OVCH1: variants seen among roughly 807,000 people sequenced by gnomAD.
OVCH1 encodes the protein ovochymase-1.
OVCH1 carries 139 observed loss-of-function variants against 138.4 expected under a neutral mutation model. That is an observed-to-expected ratio of 1.00 (90% CI 0.87 to 1.16). The LOEUF (loss-of-function observed/expected upper bound fraction) is 1.16, where lower values mean the gene tolerates loss of function less well. Ranked by LOEUF, OVCH1 falls within the 50% of genes most tolerant of loss-of-function variation. OVCH1 has a pLI of 0.00. For synonymous variants in OVCH1, 453 were observed against 467.8 expected (o/e 0.97, Z 0.41); for missense variants, 1,367 against 1,357.9 (o/e 1.01, Z -0.11).
Position 29,471,987 on chromosome 12 carries a change from A to G in OVCH1, c.1676-5T>C, listed in dbSNP as rs751804464. 6.2e-7 allele frequency: 1 copy of G among 1,603,836 alleles called. No individual in the cohort carries two copies. The highest frequency in any genetic ancestry group is 1.7e-5 in the Admixed American group (1 of 58,326). ...ATGGAGGGATGCCACAGACATCTAC[A>G]GTAAAGATGAAACCAATGACCCATA... On this transcript the variant is annotated splice_polypyrimidine_tract_variant and splice_region_variant and intron_variant, in intron 15 of 27. Transcript: ENST00000318184.
the OVCH1 span, among the ~76,000 whole-genome samples, chr12:29,405,021 CAAAAAAAAAAAAAA>C: frequency 2.5e-5 from 2 of 80,440 alleles, no homozygotes; most frequent in East Asian, 4.5e-4. Flanking sequence ...CACTCCACCT[CAAAAAAAAAAAAAA>C]AAAAAAAAAA....
At chr12:29,474,209 T>C (rs781773473) in intron 14 of OVCH1, among the ~76,000 whole-genome samples, 1 of 152,168 alleles carries the variant, frequency 6.6e-6, no homozygotes. Context: ...ACAATACGTA[T>C]AGAATAAATT....
chr12:29,436,465 A>ATATT, intron 26 of OVCH1, among the ~76,000 whole-genome samples: 1 of 152,334 alleles, frequency 6.6e-6, no homozygotes, highest in South Asian at 2.1e-4. Context: ...GCCAAATATT[A>ATATT]TATTTTTTAT....
In OVCH1 at chr12:29,444,093, A is replaced by G. The variant is rs1941554030; in HGVS notation, c.3017+52T>C. 4.6e-6 allele frequency: 7 copies of G among 1,534,886 alleles called. No homozygotes were observed. In the East Asian group the frequency reaches 1.6e-4, roughly 36 times the overall value. On this transcript the variant is annotated intron_variant, in intron 24 of 27. Transcript: ENST00000318184. ...CAAGTACCAAGTGTTGATGTCAGTC[A>G]AGCAATTTTTTCCACACACTTCTTC... is the stretch of plus-strand genomic sequence containing the variant.
intron 6 of OVCH1, among the ~76,000 whole-genome samples, chr12:29,489,233 A>G (rs1300929030): frequency 6.6e-6 from 1 of 152,204 alleles, no homozygotes; most frequent in Non-Finnish European, 1.5e-5. Context: ...TCTTCAGTCA[A>G]ACTTTGTGCA....
At chr12:29,418,100 T>C (rs1941056840) in intron 3 of OVCH1, among the ~76,000 whole-genome samples, 1 of 152,194 alleles carries the variant, frequency 6.6e-6, no homozygotes, top group Non-Finnish European at 1.5e-5. Flanking sequence ...TCACTGAATG[T>C]TCACCTGTGC....
chr12:29,411,831 C>T (rs999727001), downstream of OVCH1, among the ~76,000 whole-genome samples: 3 of 151,030 alleles, frequency 2.0e-5, no homozygotes, highest in African/African-American at 7.3e-5. Flanking sequence ...CTGCTCTCTT[C>T]AAAGCTGCCA....
chr12:29,469,643 G>T (rs1279224992), intron 16 of OVCH1, among the ~76,000 whole-genome samples: 1 of 152,012 alleles, frequency 6.6e-6, no homozygotes, highest in African/African-American at 2.4e-5. Flanking sequence ...ACTTTGGGAA[G>T]CCAAGGTGGG....
chr12:29,467,858 G>A (rs1942372073), intron 16 of OVCH1, among the ~76,000 whole-genome samples: 1 of 152,176 alleles, frequency 6.6e-6, no homozygotes, highest in African/African-American at 2.4e-5. Context: ...GCTGAAGTTT[G>A]AGAATTAATA....
intron 27 of OVCH1, among the ~76,000 whole-genome samples, chr12:29,433,356 A>G (rs1467688249): frequency 6.6e-6 from 1 of 152,112 alleles, no homozygotes; most frequent in African/African-American, 2.4e-5. Context: ...TCCCCAGCAC[A>G]CGCTCTCTTG....
the OVCH1 span, among the ~76,000 whole-genome samples, chr12:29,407,384 G>A: frequency 5.5e-5 from 8 of 144,806 alleles, no homozygotes; most frequent in East Asian, 1.6e-3. Context: ...CCTTGCCCAT[G>A]CCTATGTACT....
At chr12:29,448,901 T>C (rs1286754900) in intron 22 of OVCH1, among the ~76,000 whole-genome samples, 7 of 152,144 alleles carry the variant, frequency 4.6e-5, no homozygotes, top group South Asian at 4.1e-4. Context: ...ATACACAAAT[T>C]TATTTTCTTT....
intron 22 of OVCH1, 111 bp from the exon 23 acceptor site, chr12:29,445,514 T>C: frequency 9.1e-7 from 1 of 1,098,270 alleles, no homozygotes; most frequent in Non-Finnish European, 1.3e-6. Flanking sequence ...TTGATTCCAT[T>C]CTGTAAAATG....
At chr12:29,487,423 CT>C (rs1943142404) in intron 7 of OVCH1, 1 of 304,460 alleles carries the variant, frequency 3.3e-6, no homozygotes. Context: ...AAAGAATCCC[CT>C]GATGAGTCTA....
chr12:29,417,868 G>C (rs74670868), intron 3 of OVCH1, among the ~76,000 whole-genome samples: 6,580 of 152,006 alleles, frequency 0.043, 443 homozygotes, highest in African/African-American at 0.14. Context: ...TGTTCTAAAC[G>C]TTCTTGCTGA....
At chr12:29,456,547 AAAAC>A (rs1391253218) in intron 19 of OVCH1, among the ~76,000 whole-genome samples, 1 of 152,252 alleles carries the variant, frequency 6.6e-6, no homozygotes, top group African/African-American at 2.4e-5. Flanking sequence ...GATTTTGAAG[AAAAC>A]AAACAGTGGT....
At chr12:29,446,314 C>T (rs955854031) in intron 22 of OVCH1, among the ~76,000 whole-genome samples, 1 of 151,952 alleles carries the variant, frequency 6.6e-6, no homozygotes. Flanking sequence ...AAAAAGCATT[C>T]GTTGGCATTT....
intron 18 of OVCH1, 84 bp downstream of exon 18, chr12:29,464,423 C>T (rs748857689): frequency 1.6e-5 from 22 of 1,379,490 alleles, no homozygotes; most frequent in Admixed American, 5.9e-5. Context: ...GGGGCTGAAG[C>T]GGATGCTGCT....
chr12:29,470,916 G>A (rs146074861), intron 16 of OVCH1, among the ~76,000 whole-genome samples: 1,697 of 152,164 alleles, frequency 0.011, 26 homozygotes, highest in East Asian at 0.053. Context: ...CCATTCTGAT[G>A]GGTGTGAGAT....
Sources: allele counts gnomAD v4.1 joint callset (sites outside exome capture counted in the v4.1 genomes callset), GRCh38; gene constraint gnomAD v4.1.1; transcripts MANE v1.5; gene names NCBI Gene and HGNC (gene_info 2026-07-23, HGNC 2026-07-21).